The following COLEC12 variants were observed in gnomAD, a reference collection of about 807,000 sequenced individuals.
The protein encoded by COLEC12 is collectin-12.
COLEC12 carries 33 observed loss-of-function variants against 71.1 expected under a neutral mutation model. The ratio of observed to expected loss-of-function variants is 0.46; its 90% CI spans 0.35 to 0.62. The LOEUF is 0.62. Ranked by LOEUF, COLEC12 falls within the 20% of genes least tolerant of loss-of-function variation. The pLI is 0.00. For synonymous variants in COLEC12, 350 were observed against 353.0 expected (o/e 0.99, Z 0.10); for missense variants, 765 against 916.1 (o/e 0.84, Z 2.13).
chr18:441,105 A>G (rs76270545), intron 2 of COLEC12, among the ~76,000 whole-genome samples: 113,967 of 126,876 alleles, frequency 0.9, 51,764 homozygotes, highest in East Asian at 1. Context: ...AAAATTGGCC[A>G]GGCGTGGTGG....
At chr18:387,119 C>T (rs902870492) in intron 2 of COLEC12, among the ~76,000 whole-genome samples, 3 of 152,194 alleles carry the variant, frequency 2.0e-5, no homozygotes, top group African/African-American at 7.2e-5. Flanking sequence ...CCACTGAGCT[C>T]GCTTTTGGCA....
At chr18:449,582 G>A (rs1193978767) in intron 2 of COLEC12, among the ~76,000 whole-genome samples, 3 of 152,194 alleles carry the variant, frequency 2.0e-5, no homozygotes, top group African/African-American at 7.2e-5. Flanking sequence ...AGGCAGCCAC[G>A]GAGGTACGCC....
At chr18:481,328 A>C (rs767737670) in intron 1 of COLEC12, among the ~76,000 whole-genome samples, 86 of 110,750 alleles carry the variant, frequency 7.8e-4, no homozygotes, top group Non-Finnish European at 1.7e-3. Context: ...GGTAACTGGG[A>C]CCAACCGATG....
chr18:456,847 GA>G (rs1454287457), intron 2 of COLEC12, among the ~76,000 whole-genome samples: 4 of 152,148 alleles, frequency 2.6e-5, no homozygotes, highest in Non-Finnish European at 5.9e-5. Context: ...GCTCTACCCA[GA>G]AAGCAAAAAC....
At chr18:487,334 G>A (rs1917538333) in intron 1 of COLEC12, among the ~76,000 whole-genome samples, 1 of 152,226 alleles carries the variant, frequency 6.6e-6, no homozygotes, top group Non-Finnish European at 1.5e-5. Context: ...GGGAACTGAG[G>A]AGTGACTGTT....
chr18:336,314 G>A (rs1914118091), intron 5 of COLEC12, among the ~76,000 whole-genome samples: 2 of 152,116 alleles, frequency 1.3e-5, no homozygotes, highest in African/African-American at 2.4e-5. Context: ...TTGTGGACAG[G>A]TGTCCAAACT....
intron 2 of COLEC12, among the ~76,000 whole-genome samples, chr18:431,139 G>A (rs1916294350): frequency 6.6e-6 from 1 of 150,688 alleles, no homozygotes; most frequent in South Asian, 2.1e-4. Context: ...ACTGACTATA[G>A]GTAAGTGCCA....
chr18:421,231 A>AT (rs1340509699), intron 2 of COLEC12, among the ~76,000 whole-genome samples: 1 of 152,220 alleles, frequency 6.6e-6, no homozygotes, highest in Non-Finnish European at 1.5e-5. Flanking sequence ...TATAAACCAA[A>AT]TATGTTTTAC....
intron 2 of COLEC12, among the ~76,000 whole-genome samples, chr18:477,816 T>C (rs1386473376): frequency 1.3e-5 from 2 of 152,188 alleles, no homozygotes; most frequent in African/African-American, 4.8e-5. Context: ...TTTAAGTAGC[T>C]GGTTTCAAGA....
chr18:495,518 C>T (rs377420454), intron 1 of COLEC12, among the ~76,000 whole-genome samples: 1 of 152,226 alleles, frequency 6.6e-6, no homozygotes, highest in African/African-American at 2.4e-5. Flanking sequence ...CAAAACCTCC[C>T]AGAAGATAAG....
At chr18:393,759 G>A (rs752321933) in intron 2 of COLEC12, among the ~76,000 whole-genome samples, 79 of 152,236 alleles carry the variant, frequency 5.2e-4, no homozygotes, top group Non-Finnish European at 7.9e-4. Flanking sequence ...CTATATACAC[G>A]TCTGTGCCCT....
At position 327,811 on chromosome 18, in the gene COLEC12, G is replaced by C. The variant is rs932343901; in HGVS notation, c.2063+3857C>G. Reference sequence around the variant, plus strand: ...TCTTCCTAGCCTGGGCAAGGGATGGGACGGTGCCAGGCCCATCGGCTTCTA... The same window carrying C: ...TCTTCCTAGCCTGGGCAAGGGATGGCACGGTGCCAGGCCCATCGGCTTCTA... On this transcript the variant is annotated intron_variant, in intron 8 of 9. Transcript: ENST00000400256. This position sits in a 1 kb window ranked among gnomAD's most constrained non-coding sequence, Gnocchi z 4.0. Among the ~76,000 whole-genome samples, 15 of 152,222 alleles carry C rather than the reference G, an allele frequency of 9.9e-5. No individual in the cohort carries two copies. Among genetic ancestry groups the C allele is most frequent in the African/African-American group, 3.6e-4 (15 of 41,460 alleles).
At position 499,411 on chromosome 18, in the gene COLEC12, GA is replaced by G. The variant is rs376468255; in HGVS notation, c.7+1096del. On this transcript the variant is annotated intron_variant, in intron 1 of 9. Coordinates refer to ENST00000400256, the MANE Select transcript of COLEC12 (RefSeq NM_130386.3). ...TTAGTTCCGCGGGAGCTGCCCTTCA[GA>G]AAAAAAACTTTCCAGAGCCAAAAGT... 1.8e-4 allele frequency among the ~76,000 whole-genome samples: 27 copies of G among 152,100 alleles called. No homozygotes were observed. In the East Asian group the frequency reaches 5.0e-3, roughly 28 times the overall value.
Position 337,140 on chromosome 18 carries a change from G to C in COLEC12, c.1328-1910C>G, listed in dbSNP as rs1264396435. 2.0e-5 allele frequency among the ~76,000 whole-genome samples: 3 copies of C among 152,074 alleles called. No homozygotes were observed. In the South Asian group the frequency reaches 6.2e-4, roughly 32 times the overall value. On this transcript the variant is annotated intron_variant, in intron 5 of 9. Coordinates refer to ENST00000400256, the MANE Select transcript of COLEC12 (RefSeq NM_130386.3). Reference sequence around the variant, plus strand: ...CCCCCATCGGACTCTCCAAGTGCTGGGATTACAGGTGTGAGCCACTGTGCC... The same window carrying C: ...CCCCCATCGGACTCTCCAAGTGCTGCGATTACAGGTGTGAGCCACTGTGCC...
intron 2 of COLEC12, among the ~76,000 whole-genome samples, chr18:446,586 A>T (rs1390832345): frequency 6.7e-6 from 1 of 149,776 alleles, no homozygotes; most frequent in Non-Finnish European, 1.5e-5. Flanking sequence ...GTAGCCAGGC[A>T]TGGGAGCACA....
chr18:357,593 G>A, intron 2 of COLEC12, 71 bp from the exon 3 acceptor site: 1 of 1,288,064 alleles, frequency 7.8e-7, no homozygotes, highest in South Asian at 1.6e-5. Context: ...TTTGCATTTA[G>A]GTTCAAATAT....
chr18:390,518 T>G (rs752555942), intron 2 of COLEC12, among the ~76,000 whole-genome samples: 1 of 152,070 alleles, frequency 6.6e-6, no homozygotes, highest in Non-Finnish European at 1.5e-5. Flanking sequence ...TCCCAGCACT[T>G]TGGGAGGCAA....
intron 2 of COLEC12, among the ~76,000 whole-genome samples, chr18:473,573 G>C (rs1836317735): frequency 6.6e-6 from 1 of 152,080 alleles, no homozygotes; most frequent in African/African-American, 2.4e-5. Flanking sequence ...ACATTGGTCA[G>C]GCTAATCTCG....
intron 2 of COLEC12, among the ~76,000 whole-genome samples, chr18:358,970 T>A (rs1914686225): frequency 6.6e-6 from 1 of 152,242 alleles, no homozygotes; most frequent in Non-Finnish European, 1.5e-5. Context: ...GACTGTAGTT[T>A]CAAATCAAAT....
Sources: allele counts gnomAD v4.1 joint callset (sites outside exome capture counted in the v4.1 genomes callset), GRCh38; gene constraint gnomAD v4.1.1; non-coding constraint Gnocchi (gnomAD v3.1); transcripts MANE v1.5; gene names NCBI Gene and HGNC (gene_info 2026-07-23, HGNC 2026-07-21).